CCDC73: variants seen among roughly 807,000 people sequenced by gnomAD.
CCDC73 encodes the protein coiled-coil domain containing 73.
A neutral mutation model predicts 116.5 loss-of-function variants in CCDC73; 95 were observed. The ratio of observed to expected loss-of-function variants is 0.82; its 90% CI spans 0.69 to 0.97. The LOEUF (loss-of-function observed/expected upper bound fraction) is 0.97, where lower values mean the gene tolerates loss of function less well. Among genes scored for constraint, CCDC73 ranks in the 50% least tolerant of loss-of-function variants. The pLI is 0.00. For synonymous variants in CCDC73, 398 were observed against 401.3 expected (o/e 0.99, Z 0.10); for missense variants, 1,066 against 1,206.8 (o/e 0.88, Z 1.73).
rs1565094315 is a variant in CCDC73 at position 32,755,805 on chromosome 11, A to ATATATATCTCCATATATATGTGTGTG, written c.135+4278_135+4303dup. ...TATATATATCTCCATATATGTGTAT[A>ATATATATCTCCATATATATGTGTGTG]TATATATCTCCATATATATGTGTGT... On this transcript the variant is annotated intron_variant, in intron 2 of 17. Coordinates refer to ENST00000335185, the MANE Select transcript of CCDC73 (RefSeq NM_001008391.4). 1.7e-4 allele frequency among the ~76,000 whole-genome samples: 22 copies of ATATATATCTCCATATATATGTGTGTG among 131,514 alleles called. 1 individual carries two copies. The highest frequency in any genetic ancestry group is 2.7e-4 in the Non-Finnish European group (17 of 64,138). The allele number at this position is 131,514 out of a possible 152,430, so 86.3% of individuals were successfully genotyped here. A position where few individuals can be genotyped will look rare whatever the true frequency, so the allele number is the denominator to read the frequency against.
the CCDC73 span, among the ~76,000 whole-genome samples, chr11:32,821,558 GAA>G: frequency 6.6e-6 from 1 of 152,056 alleles, no homozygotes; most frequent in Non-Finnish European, 1.5e-5. Flanking sequence ...AAAAAAGAAA[GAA>G]AAAAGTATAT....
Position 32,707,038 on chromosome 11 carries a change from G to A in CCDC73, c.208-4094C>T, listed in dbSNP as rs542807677. On this transcript the variant is annotated intron_variant, in intron 3 of 17. Transcript: ENST00000335185. Reference sequence around the variant, plus strand: ...TGAAGTAGCACTTTGTGGGAAAAAAGTTTTACTGATATTGGCAGTAAGGTT... The same window carrying A: ...TGAAGTAGCACTTTGTGGGAAAAAAATTTTACTGATATTGGCAGTAAGGTT... Among the ~76,000 whole-genome samples, 6 of 152,184 alleles carry A rather than the reference G, an allele frequency of 3.9e-5. No individual in the cohort carries two copies. In the East Asian group the frequency reaches 1.2e-3, roughly 29 times the overall value.
At chr11:32,764,758 T>G (rs188822977) in intron 1 of CCDC73, among the ~76,000 whole-genome samples, 1 of 152,086 alleles carries the variant, frequency 6.6e-6, no homozygotes, top group Non-Finnish European at 1.5e-5. Flanking sequence ...AATTCACACA[T>G]AACAATATTA....
At chr11:32,734,299 A>T (rs924703067) in intron 2 of CCDC73, among the ~76,000 whole-genome samples, 1 of 152,210 alleles carries the variant, frequency 6.6e-6, no homozygotes, top group Non-Finnish European at 1.5e-5. Context: ...AACCAAAAAA[A>T]GTCCAGGACC....
intron 17 of CCDC73, among the ~76,000 whole-genome samples, chr11:32,608,632 T>C (rs1442663973): frequency 6.6e-6 from 1 of 152,118 alleles, no homozygotes; most frequent in African/African-American, 2.4e-5. Context: ...CCTCTTCTCA[T>C]AGCTCCACTA....
chr11:32,803,163 G>C, the CCDC73 span, among the ~76,000 whole-genome samples: 1 of 151,110 alleles, frequency 6.6e-6, no homozygotes, highest in Non-Finnish European at 1.5e-5. Context: ...GCGTGATCTC[G>C]GCTCACTGCA....
chr11:32,715,443 C>G (rs1301013389), intron 3 of CCDC73, among the ~76,000 whole-genome samples: 1 of 151,754 alleles, frequency 6.6e-6, no homozygotes, highest in Admixed American at 6.6e-5. Context: ...TAGCCACTGT[C>G]CTATAAAGTG....
chr11:32,711,873 A>G (rs557974655), intron 3 of CCDC73, among the ~76,000 whole-genome samples: 1 of 152,280 alleles, frequency 6.6e-6, no homozygotes, highest in East Asian at 1.9e-4. Flanking sequence ...ATGCTCTAAC[A>G]GAACACCATG....
intron 17 of CCDC73, 105 bp from the exon 18 acceptor site, chr11:32,603,125 T>C: frequency 1.2e-6 from 1 of 865,566 alleles, no homozygotes; most frequent in Non-Finnish European, 1.8e-6. Context: ...CCACCATCTC[T>C]TGGCTGATTT....
At chr11:32,720,384 A>G (rs1346660499) in intron 2 of CCDC73, among the ~76,000 whole-genome samples, 1 of 152,208 alleles carries the variant, frequency 6.6e-6, no homozygotes, top group Non-Finnish European at 1.5e-5. Context: ...TGCTTTTTGT[A>G]AAGAACACTT....
upstream of CCDC73, among the ~76,000 whole-genome samples, chr11:32,796,667 T>C (rs1850730306): frequency 6.6e-6 from 1 of 152,090 alleles, no homozygotes; most frequent in Non-Finnish European, 1.5e-5. Context: ...GTGTGGCCTT[T>C]AGGAGACGAT....
the CCDC73 span, among the ~76,000 whole-genome samples, chr11:32,813,286 TA>T: frequency 6.6e-6 from 1 of 152,210 alleles, no homozygotes; most frequent in South Asian, 2.1e-4. Context: ...TATTTGTTTC[TA>T]AATGTTTTAA....
intron 12 of CCDC73, among the ~76,000 whole-genome samples, chr11:32,648,581 C>T (rs1323411561): frequency 6.8e-6 from 1 of 148,148 alleles, no homozygotes; most frequent in Non-Finnish European, 1.5e-5. Context: ...GACGGAGTTT[C>T]ACTCTTGTTG....
rs967532252 is a variant in CCDC73 at position 32,788,505 on chromosome 11, T to C, written c.-16+6108A>G. 7.3e-5 allele frequency among the ~76,000 whole-genome samples: 11 copies of C among 151,716 alleles called. 1 individual carries two copies. The highest frequency in any genetic ancestry group is 4.6e-4 in the Admixed American group (7 of 15,222). ...TTTTTTTTTTTTTGAGACAGGGTCT[T>C]GCTCTGTCATGAAGGCTGGAGTGCA... On this transcript the variant is annotated intron_variant, in intron 1 of 17. Coordinates refer to ENST00000335185, the MANE Select transcript of CCDC73 (RefSeq NM_001008391.4).
chr11:32,763,124 C>T (rs768418257), intron 1 of CCDC73, among the ~76,000 whole-genome samples: 13 of 152,220 alleles, frequency 8.5e-5, no homozygotes, highest in East Asian at 3.8e-4. Flanking sequence ...TGGAGCCCAC[C>T]GTCGCTCAAG....
At position 32,738,910 on chromosome 11, in the gene CCDC73, G is replaced by A. The variant is rs142734601; in HGVS notation, c.136-20763C>T. 2.4e-4 allele frequency among the ~76,000 whole-genome samples: 36 copies of A among 152,102 alleles called. 1 individual carries two copies. In the South Asian group the frequency reaches 4.1e-3, roughly 18 times the overall value. On this transcript the variant is annotated intron_variant, in intron 2 of 17. Transcript: ENST00000335185. ...CATAGTGGTCTACTTTCATTCTTCCGCACATGTATATCCAGGTTTTTCAGC... is the reference window on the plus strand; with the variant it reads ...CATAGTGGTCTACTTTCATTCTTCCACACATGTATATCCAGGTTTTTCAGC...
At position 32,760,235 on chromosome 11, in the gene CCDC73, GC is replaced by G. The variant is rs766385857; in HGVS notation, c.8del (p.Ser3ThrfsTer26). 2 of 1,554,212 alleles carry G rather than the reference GC, an allele frequency of 1.3e-6. No homozygotes were observed. The highest frequency in any genetic ancestry group is 4.1e-5 in the Admixed American group (2 of 49,236). ...TAGATGATGACTCAGTATTGAAGTTGCTTTCCATATTAATATTTATTTCCTG... is the reference window on the plus strand; with the variant it reads ...TAGATGATGACTCAGTATTGAAGTTGTTTCCATATTAATATTTATTTCCTG... ME[S>X]NFNTESSSTF... On this transcript the variant is annotated frameshift_variant, in exon 2 of 18. Transcript: ENST00000335185. LOFTEE classifies it high-confidence loss of function.
intron 2 of CCDC73, among the ~76,000 whole-genome samples, chr11:32,759,163 T>A (rs1850368625): frequency 1.3e-5 from 2 of 151,888 alleles, no homozygotes; most frequent in Non-Finnish European, 2.9e-5. Context: ...CATTTCTATA[T>A]CCTTATTGCA....
At chr11:32,819,714 G>A in the CCDC73 span, among the ~76,000 whole-genome samples, 2 of 152,120 alleles carry the variant, frequency 1.3e-5, no homozygotes, top group Admixed American at 6.5e-5. Flanking sequence ...TCTTGCCTCA[G>A]CCTCCCAAAG....
Sources: allele counts gnomAD v4.1 joint callset (sites outside exome capture counted in the v4.1 genomes callset), GRCh38; gene constraint gnomAD v4.1.1; transcripts MANE v1.5; gene names NCBI Gene and HGNC (gene_info 2026-07-23, HGNC 2026-07-21).